The following CRPPA variants were observed in gnomAD, a reference collection of about 807,000 sequenced individuals.
CRPPA encodes CDP-L-ribitol pyrophosphorylase A, also known as D-ribitol-5-phosphate cytidylyltransferase.
CRPPA carries 43 observed loss-of-function variants against 52.0 expected under a neutral mutation model. The observed-to-expected ratio is 0.83, with a 90% CI of 0.65 to 1.07. The LOEUF (loss-of-function observed/expected upper bound fraction) is 1.07, where lower values mean the gene tolerates loss of function less well. CRPPA is among the 50% of genes least tolerant of loss of function. CRPPA has a pLI of 0.00. For missense variants in CRPPA, 629 were observed against 551.7 expected, an observed-to-expected ratio of 1.14 and a Z score of -1.40; for synonymous variants, 250 against 203.5, an observed-to-expected ratio of 1.23 and a Z score of -1.94.
At chr7:16,393,071 C>G (rs551073764) in intron 2 of CRPPA, among the ~76,000 whole-genome samples, 1 of 152,180 alleles carries the variant, frequency 6.6e-6, no homozygotes, top group African/African-American at 2.4e-5. Flanking sequence ...AGGAAGCCAA[C>G]AACTATAAGA....
At chr7:16,376,004 C>T (rs937842629) in intron 3 of CRPPA, 88 bp downstream of exon 3, 43 of 1,273,484 alleles carry the variant, frequency 3.4e-5, no homozygotes, top group Non-Finnish European at 4.0e-5. Flanking sequence ...TACGCTCAGT[C>T]CCATCAGTTC....
chr7:16,112,237 C>T (rs113411802), intron 9 of CRPPA, among the ~76,000 whole-genome samples: 22,962 of 152,004 alleles, frequency 0.15, 1,928 homozygotes, highest in Non-Finnish European at 0.19. Context: ...ATTTCTTAAA[C>T]CTGGGAGGCA....
intron 9 of CRPPA, 44 bp from the exon 10 acceptor site, chr7:16,091,843 T>A (rs1038532715): frequency 1.7e-5 from 20 of 1,168,878 alleles, no homozygotes; most frequent in Non-Finnish European, 2.3e-5. Flanking sequence ...AAAAAACATA[T>A]GCCATGTGTT....
intron 4 of CRPPA, among the ~76,000 whole-genome samples, chr7:16,305,739 G>A (rs965882241): frequency 1.6e-4 from 25 of 152,222 alleles, no homozygotes; most frequent in African/African-American, 3.6e-4. Context: ...GGTGGCAAGC[G>A]CCTGTGGTGG....
chr7:16,212,639 T>C (rs1782181579), intron 9 of CRPPA, among the ~76,000 whole-genome samples: 1 of 152,234 alleles, frequency 6.6e-6, no homozygotes, highest in Admixed American at 6.5e-5. Context: ...CCAGAATGTC[T>C]GTGTGTCAGA....
chr7:16,307,544 G>A (rs1240798550), intron 4 of CRPPA, among the ~76,000 whole-genome samples: 3 of 151,720 alleles, frequency 2.0e-5, no homozygotes, highest in Non-Finnish European at 2.9e-5. Flanking sequence ...TAGCCGGGTG[G>A]TGGTAGGCAC....
intron 9 of CRPPA, among the ~76,000 whole-genome samples, chr7:16,202,468 G>C (rs1228133660): frequency 6.6e-6 from 1 of 152,144 alleles, no homozygotes; most frequent in Admixed American, 6.6e-5. Flanking sequence ...AGCAGTCACT[G>C]AGGGCCTACA....
chr7:16,106,227 C>CA (rs953400617), intron 9 of CRPPA, among the ~76,000 whole-genome samples: 290 of 151,814 alleles, frequency 1.9e-3, no homozygotes, highest in Non-Finnish European at 3.1e-3. Flanking sequence ...CTCAATTCTG[C>CA]AAAAAAAACC....
At chr7:16,343,407 C>T (rs1785923600) in intron 3 of CRPPA, among the ~76,000 whole-genome samples, 1 of 152,096 alleles carries the variant, frequency 6.6e-6, no homozygotes, top group African/African-American at 2.4e-5. Context: ...TACAGTAAAA[C>T]CGGAAGCCTA....
rs565491860 is a variant in CRPPA at position 16,087,587 on chromosome 7, TTATAG to T, written c.*4103_*4107del. ...TGTAAAAACAACATATTTAGAATCT[TTATAG>T]TACTTTTCAATGTCACCTTAAAAAT... On this transcript the variant is annotated 3_prime_UTR_variant, in exon 10 of 10. Transcript: ENST00000407010. The T allele has an allele frequency of 1.4e-4, 21 of 152,032 alleles. 1 individual carries two copies. The highest frequency in any genetic ancestry group is 3.4e-3 in the Middle Eastern group (1 of 294). The allele number at this position is 152,032 out of a possible 1,614,324, so 9.4% of individuals were successfully genotyped here. A position where few individuals can be genotyped will look rare whatever the true frequency, so the allele number is the denominator to read the frequency against.
rs1030008179 is a variant in CRPPA, at chr7:16,087,870, G to T, written c.*3825C>A. On this transcript the variant is annotated 3_prime_UTR_variant, in exon 10 of 10. Transcript: ENST00000407010. ...AGATTTATGCCTCTGTGAATTTGTAGTTTCAACATTAAAACAAAGTCAAAT... is the reference window on the plus strand; with the variant it reads ...AGATTTATGCCTCTGTGAATTTGTATTTTCAACATTAAAACAAAGTCAAAT... The T allele has an allele frequency of 6.6e-6, 1 of 152,038 alleles. No homozygotes were observed. The highest frequency in any genetic ancestry group is 2.4e-5 in the African/African-American group (1 of 41,390). 9.4% of individuals were successfully genotyped at this position (152,038 alleles called of 1,614,324 possible). A position where few individuals can be genotyped will look rare whatever the true frequency, so the allele number is the denominator to read the frequency against.
At chr7:16,165,101 C>T (rs1781024990) in intron 9 of CRPPA, among the ~76,000 whole-genome samples, 1 of 152,080 alleles carries the variant, frequency 6.6e-6, no homozygotes, top group Non-Finnish European at 1.5e-5. Context: ...GTGCCCACAG[C>T]TGCCCCTTCC....
At chr7:16,163,032 G>A (rs1219362242) in intron 9 of CRPPA, among the ~76,000 whole-genome samples, 1 of 137,806 alleles carries the variant, frequency 7.3e-6, no homozygotes, top group Non-Finnish European at 1.5e-5. Flanking sequence ...GGAGTGCAGT[G>A]GTGCGATCTC....
At chr7:16,327,520 G>T (rs984393873) in intron 3 of CRPPA, among the ~76,000 whole-genome samples, 1 of 148,554 alleles carries the variant, frequency 6.7e-6, no homozygotes, top group African/African-American at 2.5e-5. Flanking sequence ...GTGAACCTGG[G>T]AAGCGGAGCT....
At chr7:16,289,354 T>C (rs138490805) in intron 5 of CRPPA, among the ~76,000 whole-genome samples, 1 of 152,076 alleles carries the variant, frequency 6.6e-6, no homozygotes, top group South Asian at 2.1e-4. Context: ...AACTCATTAT[T>C]TGAGGCAAGC....
At chr7:16,275,530 C>T (rs1030211386) in intron 6 of CRPPA, among the ~76,000 whole-genome samples, 1 of 152,098 alleles carries the variant, frequency 6.6e-6, no homozygotes, top group African/African-American at 2.4e-5. Context: ...AACTCTTCTA[C>T]TTAAAAAGGA....
Position 16,230,682 on chromosome 7 carries a change from T to C in CRPPA, c.1120-14485A>G, listed in dbSNP as rs1782769137. Among the ~76,000 whole-genome samples the C allele has an allele frequency of 2.0e-5, 3 of 152,194 alleles. No homozygotes were observed. The South Asian group carries it at 6.2e-4, about 31-fold the overall frequency. On this transcript the variant is annotated intron_variant, in intron 8 of 9. Coordinates refer to ENST00000407010, the MANE Select transcript of CRPPA (RefSeq NM_001101426.4). ...GTACCACATTTTTTTCATATGGTCA[T>C]GTAATGTTTTCTTGATTGTTCTTGA...
chr7:16,402,445 T>C (rs555357161), intron 2 of CRPPA, among the ~76,000 whole-genome samples: 2 of 152,268 alleles, frequency 1.3e-5, no homozygotes, highest in South Asian at 4.1e-4. Context: ...AACATGGGCT[T>C]ACAATCCAAA....
chr7:16,414,116 G>A (rs963711114), intron 1 of CRPPA, among the ~76,000 whole-genome samples: 4 of 152,070 alleles, frequency 2.6e-5, no homozygotes, highest in Non-Finnish European at 5.9e-5. Flanking sequence ...CCATCTAAAG[G>A]AAAGTTATCT....
Sources: allele counts gnomAD v4.1 joint callset (sites outside exome capture counted in the v4.1 genomes callset), GRCh38; gene constraint gnomAD v4.1.1; transcripts MANE v1.5; gene names NCBI Gene and HGNC (gene_info 2026-07-23, HGNC 2026-07-21).